The following GPR158 variants were observed in gnomAD, a reference collection of about 807,000 sequenced individuals.
The protein encoded by GPR158 is metabotropic glycine receptor.
In GPR158, 30 loss-of-function variants were observed where a neutral mutation model predicts 78.2. The ratio of observed to expected loss-of-function variants is 0.38; its 90% CI spans 0.29 to 0.52. GPR158 has a LOEUF of 0.52. GPR158 is among the 20% of genes least tolerant of loss of function. The probability of loss-of-function intolerance (pLI) is 0.83; values close to 1 mark genes in which losing one functional copy is unlikely to be tolerated. For synonymous variants in GPR158, 581 were observed against 591.1 expected, an observed-to-expected ratio of 0.98 and a Z score of 0.25; for missense variants, 1,463 against 1,523.5, an observed-to-expected ratio of 0.96 and a Z score of 0.66.
At chr10:25,364,118 T>C (rs1229186781) in intron 2 of GPR158, among the ~76,000 whole-genome samples, 1 of 152,024 alleles carries the variant, frequency 6.6e-6, no homozygotes, top group Non-Finnish European at 1.5e-5. Flanking sequence ...CTTCACATTT[T>C]ATCAGTAAGG....
At chr10:25,396,049 A>G in intron 3 of GPR158, 36 bp downstream of exon 3, 1 of 858,020 alleles carries the variant, frequency 1.2e-6, no homozygotes, top group South Asian at 1.4e-5. Flanking sequence ...ATATATGTAT[A>G]TACATCATAT....
At position 25,420,612 on chromosome 10, in the gene GPR158, T is replaced by C. The variant is rs142142405; in HGVS notation, c.1335+8139T>C. 4.9e-3 allele frequency among the ~76,000 whole-genome samples: 746 copies of C among 152,342 alleles called. 12 individuals are homozygous for C. The highest frequency in any genetic ancestry group is 0.017 in the African/African-American group (688 of 41,580). On this transcript the variant is annotated intron_variant, in intron 4 of 10. Coordinates refer to ENST00000376351, the MANE Select transcript of GPR158 (RefSeq NM_020752.3). ...ATAGTTTTAGGATTCACATTAGGTC[T>C]TTAATCCATTTTGAGTTAATTTTTA... is the stretch of plus-strand genomic sequence containing the variant.
intron 5 of GPR158, among the ~76,000 whole-genome samples, chr10:25,499,621 G>T (rs562219422): frequency 1.5e-4 from 23 of 152,342 alleles, no homozygotes; most frequent in African/African-American, 5.5e-4. Context: ...AAACATTTCA[G>T]ATAATGATAG....
intron 2 of GPR158, among the ~76,000 whole-genome samples, chr10:25,234,997 T>C (rs1481731492): frequency 6.6e-6 from 1 of 152,212 alleles, no homozygotes; most frequent in Non-Finnish European, 1.5e-5. Context: ...AGAATTCTTT[T>C]TTTATCCAAG....
intron 2 of GPR158, among the ~76,000 whole-genome samples, chr10:25,274,897 A>C (rs949516049): frequency 6.6e-6 from 1 of 152,164 alleles, no homozygotes; most frequent in Non-Finnish European, 1.5e-5. Context: ...TAAGAAGTGA[A>C]GCTCTATAAA....
chr10:25,458,191 GCTTT>G (rs1564460990), intron 4 of GPR158, among the ~76,000 whole-genome samples: 1 of 152,064 alleles, frequency 6.6e-6, no homozygotes, highest in African/African-American at 2.4e-5. Flanking sequence ...GAAAAAATGG[GCTTT>G]CTTATGAAGT....
intron 9 of GPR158, among the ~76,000 whole-genome samples, chr10:25,594,744 T>C (rs957444925): frequency 6.6e-6 from 1 of 152,190 alleles, no homozygotes; most frequent in Non-Finnish European, 1.5e-5. Flanking sequence ...GGATTCATAT[T>C]CAGAGAAATC....
At chr10:25,371,090 A>G (rs1169182136) in intron 2 of GPR158, among the ~76,000 whole-genome samples, 23 of 148,614 alleles carry the variant, frequency 1.5e-4, no homozygotes, top group Non-Finnish European at 2.7e-4. Context: ...TTTCCTGAAT[A>G]TAGCACACTG....
chr10:25,276,184 T>C (rs998441905), intron 2 of GPR158, among the ~76,000 whole-genome samples: 8 of 152,334 alleles, frequency 5.3e-5, no homozygotes, highest in Non-Finnish European at 8.8e-5. Flanking sequence ...GTGGTACATT[T>C]AATTAGCATT....
rs541473698 is a variant in GPR158 at position 25,271,068 on chromosome 10, C to G, written c.1008+49911C>G. Among the ~76,000 whole-genome samples the G allele has an allele frequency of 4.6e-5, 7 of 152,266 alleles. No homozygotes were observed. In the South Asian group the frequency reaches 1.4e-3, roughly 32 times the overall value. On this transcript the variant is annotated intron_variant, in intron 2 of 10. Transcript: ENST00000376351. ...GCTTTCTTTTAGCTCCTCCAGTGTT[C>G]CGAGCTGCCTCCCACCTCAGGACAC... is the stretch of plus-strand genomic sequence containing the variant.
intron 2 of GPR158, among the ~76,000 whole-genome samples, chr10:25,257,387 A>G (rs1057317780): frequency 6.6e-6 from 1 of 152,206 alleles, no homozygotes; most frequent in African/African-American, 2.4e-5. Context: ...AATGCCTCTT[A>G]ATACATTTGG....
intron 5 of GPR158, among the ~76,000 whole-genome samples, chr10:25,517,349 T>C (rs1021437208): frequency 2.6e-5 from 4 of 152,102 alleles, no homozygotes; most frequent in African/African-American, 9.7e-5. Flanking sequence ...TTTTCCTAAC[T>C]GAATACCCTT....
chr10:25,319,827 C>CA (rs1588797044), intron 2 of GPR158, among the ~76,000 whole-genome samples: 1 of 144,596 alleles, frequency 6.9e-6, no homozygotes, highest in Non-Finnish European at 1.5e-5. Flanking sequence ...ACCCCACCCC[C>CA]CCCAAAAAAA....
At position 25,190,330 on chromosome 10, in the gene GPR158, G is replaced by GTTA. The variant is rs200716210; in HGVS notation, c.902+14026_902+14028dup. Among the ~76,000 whole-genome samples the GTTA allele has an allele frequency of 5.8e-3, 873 of 151,552 alleles. 13 individuals carry two copies. The highest frequency in any genetic ancestry group is 0.022 in the South Asian group (106 of 4,804). On this transcript the variant is annotated intron_variant, in intron 1 of 10. Coordinates refer to ENST00000376351, the MANE Select transcript of GPR158 (RefSeq NM_020752.3). ...TGAAATGTTATATTACATAGACATT[G>GTTA]TTATTATTATTATTATTATTGAGAC...
In GPR158 at chr10:25,175,711, C is replaced by T; in HGVS notation, c.291C>T (p.Ala97=). The T allele has an allele frequency of 6.2e-7, 1 of 1,611,824 alleles. No individual in the cohort carries two copies. Among genetic ancestry groups the T allele is most frequent in the Non-Finnish European group, 8.5e-7 (1 of 1,179,924 alleles). The change falls in exon 1 of 11, where the codon GCC becomes GCT. Residue 97 remains alanine, a synonymous_variant. Coordinates refer to ENST00000376351, the MANE Select transcript of GPR158 (RefSeq NM_020752.3). The surrounding 1 kb of genome is among the most constrained non-coding windows in gnomAD (Gnocchi z 6.4). ...YTGDSHQLKR[A]NCSGRYELAG... ...GGGACTCCCACCAGCTGAAGCGAGCCAACTGCTCCGGCCGCTACGAGTTGG... is the reference window on the plus strand; with the variant it reads ...GGGACTCCCACCAGCTGAAGCGAGCTAACTGCTCCGGCCGCTACGAGTTGG...
intron 6 of GPR158, among the ~76,000 whole-genome samples, chr10:25,563,096 GTTA>G (rs1479893950): frequency 7.7e-6 from 1 of 129,124 alleles, no homozygotes; most frequent in Non-Finnish European, 1.6e-5. Context: ...AGCTACTTTG[GTTA>G]TTATTTACGT....
At chr10:25,466,494 G>T in intron 4 of GPR158, 157 bp from the exon 5 acceptor site, 2 of 527,452 alleles carry the variant, frequency 3.8e-6, no homozygotes, top group African/African-American at 1.9e-5. Context: ...GCATGTTCTA[G>T]TTTTTTACCC....
chr10:25,501,025 C>T (rs561608212), intron 5 of GPR158, among the ~76,000 whole-genome samples: 5 of 152,182 alleles, frequency 3.3e-5, no homozygotes, highest in South Asian at 4.1e-4. Flanking sequence ...CTATCGTACG[C>T]GTAAATGGAG....
chr10:25,449,244 T>C (rs531975101), intron 4 of GPR158, among the ~76,000 whole-genome samples: 9 of 152,362 alleles, frequency 5.9e-5, no homozygotes, highest in African/African-American at 2.2e-4. Flanking sequence ...ATCATGATAA[T>C]GATGTCTCAT....
Sources: allele counts gnomAD v4.1 joint callset (sites outside exome capture counted in the v4.1 genomes callset), GRCh38; gene constraint gnomAD v4.1.1; non-coding constraint Gnocchi (gnomAD v3.1); transcripts MANE v1.5; gene names NCBI Gene and HGNC (gene_info 2026-07-23, HGNC 2026-07-21).